The following COL4A2 variants were observed in gnomAD, a reference collection of about 807,000 sequenced individuals.
The protein encoded by COL4A2 is collagen alpha-2(IV) chain.
COL4A2 carries 99 observed loss-of-function variants against 200.2 expected under a neutral mutation model. That is an observed-to-expected ratio of 0.49 (90% CI 0.42 to 0.58). The LOEUF (loss-of-function observed/expected upper bound fraction) is 0.58. Among genes scored for constraint, COL4A2 ranks in the 20% least tolerant of loss-of-function variants. The probability of loss-of-function intolerance (pLI) is 0.00; values close to 1 mark genes in which losing one functional copy is unlikely to be tolerated. For synonymous variants in COL4A2, 897 were observed against 900.6 expected (o/e 1.00, Z 0.07); for missense variants, 1,950 against 2,314.1 (o/e 0.84, Z 3.23).
At position 110,385,148 on chromosome 13, in the gene COL4A2, G is replaced by A. The variant is rs539602216; in HGVS notation, c.180+27596G>A. Among the ~76,000 whole-genome samples the A allele has an allele frequency of 2.0e-5, 3 of 152,086 alleles. No homozygotes were observed. The South Asian group carries it at 6.2e-4, about 32-fold the overall frequency. ...GCAGTGGCGGGTGCCTGTAGTCCCA[G>A]CCACTTGGGAGGCTGAGGCAGAAGA... On this transcript the variant is annotated intron_variant, in intron 4 of 47. Transcript: ENST00000360467.
At chr13:110,504,578 C>T (rs755704246) in intron 45 of COL4A2, among the ~76,000 whole-genome samples, 41 of 152,192 alleles carry the variant, frequency 2.7e-4, no homozygotes, top group East Asian at 1.9e-4. Context: ...TTAAAATGTA[C>T]AAGAGCCGCA....
In COL4A2 at chr13:110,512,447, G is replaced by T; in HGVS notation, c.*256G>T. On this transcript the variant is annotated 3_prime_UTR_variant, in exon 48 of 48. Transcript: ENST00000360467. ...CCCCATCAGCCCTGCTAGACGCACC[G>T]CCTGAAGGCACAGCTAACCACTTCG... 5 of 579,558 alleles carry T rather than the reference G, an allele frequency of 8.6e-6. 1 individual carries two copies. Among genetic ancestry groups the T allele is most frequent in the East Asian group, 6.1e-5 (2 of 32,542 alleles). The allele number at this position is 579,558 out of a possible 1,614,324, so 35.9% of individuals were successfully genotyped here.
intron 3 of COL4A2, among the ~76,000 whole-genome samples, chr13:110,350,864 G>T (rs1056575744): frequency 6.6e-6 from 1 of 152,138 alleles, no homozygotes; most frequent in East Asian, 1.9e-4. Context: ...CTGCCCTTCA[G>T]ACAAGCACTC....
At chr13:110,452,025 C>T (rs1354589250) in intron 20 of COL4A2, among the ~76,000 whole-genome samples, 1 of 152,248 alleles carries the variant, frequency 6.6e-6, no homozygotes, top group Admixed American at 6.5e-5. Flanking sequence ...GACATTGCCC[C>T]TAATAATCTC....
At chr13:110,336,929 C>T (rs943981215) in intron 3 of COL4A2, among the ~76,000 whole-genome samples, 3 of 152,192 alleles carry the variant, frequency 2.0e-5, no homozygotes, top group African/African-American at 7.2e-5. Context: ...GCCTGGGTTG[C>T]CTCTGTGCTC....
intron 29 of COL4A2, chr13:110,473,398 A>G (rs1162054975): frequency 2.1e-6 from 1 of 470,294 alleles, no homozygotes; most frequent in Non-Finnish European, 3.7e-6. Context: ...CACTGATGTA[A>G]TCTGTTGTCA....
At chr13:110,414,836 A>G (rs547262897) in intron 4 of COL4A2, among the ~76,000 whole-genome samples, 1 of 152,372 alleles carries the variant, frequency 6.6e-6, no homozygotes, top group Admixed American at 6.5e-5. Context: ...AATGTATGAG[A>G]AGGAAATATT....
chr13:110,491,276 C>T lies in COL4A2; in HGVS notation c.3390C>T (p.Ile1130=), dbSNP rs750808602. The part of the protein sequence containing the change: ...FFGEKGTEGD[I]GFPGITGVTG... ...GAGAGAAGGGAACAGAAGGTGACAT[C>T]GGCTTCCCTGGGATAACAGGCGTGA... is the stretch of plus-strand genomic sequence containing the variant. Residue 1130 remains isoleucine (I), a synonymous_variant, in exon 37 of 48, where the codon ATC becomes ATT. Transcript: ENST00000360467. 2 of 1,601,158 alleles carry T rather than the reference C, an allele frequency of 1.2e-6. No individual in the cohort carries two copies. Among genetic ancestry groups the T allele is most frequent in the Non-Finnish European group, 8.5e-7 (1 of 1,173,184 alleles).
At chr13:110,428,261 C>T (rs915910117) in intron 6 of COL4A2, among the ~76,000 whole-genome samples, 5 of 152,236 alleles carry the variant, frequency 3.3e-5, no homozygotes, top group Non-Finnish European at 7.3e-5. Context: ...AACTTTGCTT[C>T]GAAATCTTTT....
intron 4 of COL4A2, among the ~76,000 whole-genome samples, chr13:110,399,094 A>C (rs1251015909): frequency 6.6e-6 from 1 of 152,182 alleles, no homozygotes; most frequent in Non-Finnish European, 1.5e-5. Context: ...ATTGTGAAGG[A>C]TGTTTAAGAA....
intron 4 of COL4A2, among the ~76,000 whole-genome samples, chr13:110,424,132 C>T (rs1442072100): frequency 6.6e-6 from 1 of 152,102 alleles, no homozygotes; most frequent in Admixed American, 6.6e-5. Flanking sequence ...GCACCTGCAC[C>T]ATTTCACATG....
At chr13:110,488,835 G>A (rs557676357) in intron 34 of COL4A2, among the ~76,000 whole-genome samples, 8 of 152,316 alleles carry the variant, frequency 5.3e-5, no homozygotes, top group East Asian at 1.9e-4. Context: ...CACCGCCGCC[G>A]CTGACATCAC....
chr13:110,341,758 T>C (rs1255484323), intron 3 of COL4A2, among the ~76,000 whole-genome samples: 1 of 152,230 alleles, frequency 6.6e-6, no homozygotes, highest in African/African-American at 2.4e-5. Context: ...TTTCCAGCTC[T>C]GTCTCGCTGC....
intron 3 of COL4A2, among the ~76,000 whole-genome samples, chr13:110,353,691 G>A (rs1295716504): frequency 6.6e-6 from 1 of 152,210 alleles, no homozygotes; most frequent in Admixed American, 6.5e-5. Context: ...ACATTCCAAA[G>A]TGTGGTACTT....
intron 4 of COL4A2, among the ~76,000 whole-genome samples, chr13:110,361,905 G>A (rs754741109): frequency 2.6e-5 from 4 of 152,216 alleles, no homozygotes; most frequent in Admixed American, 6.5e-5. Flanking sequence ...TGTAGTTCAC[G>A]TACGAGCACA....
intron 3 of COL4A2, among the ~76,000 whole-genome samples, chr13:110,308,672 C>G (rs753808265): frequency 6.6e-6 from 1 of 152,170 alleles, no homozygotes; most frequent in African/African-American, 2.4e-5. Context: ...CTCCCAAGTC[C>G]TGTTCCGGCC....
Position 110,424,824 on chromosome 13 carries a change from G to C in COL4A2, c.271G>C (p.Gly91Arg). 1 of 1,614,142 alleles carries C rather than the reference G, an allele frequency of 6.2e-7. No individual in the cohort carries two copies. Among genetic ancestry groups the C allele is most frequent in the Non-Finnish European group, 8.5e-7 (1 of 1,179,980 alleles). The part of the protein sequence containing the change: ...PGLQGRKGDK[G>R]ERGAPGVTGP... ...ACTGCAGGGACGTAAAGGAGACAAG[G>C]GTGAAAGGGGAGCCCCCGGAGTAAC... The change falls in exon 5 of 48, where the codon GGT becomes CGT. Residue 91 changes from glycine to arginine, a missense_variant. Transcript: ENST00000360467.
intron 4 of COL4A2, among the ~76,000 whole-genome samples, chr13:110,402,370 G>C (rs1879401764): frequency 6.6e-6 from 1 of 152,220 alleles, no homozygotes; most frequent in African/African-American, 2.4e-5. Flanking sequence ...AGTGATGCCA[G>C]GTGAGTCCAA....
At chr13:110,308,195 G>A in intron 3 of COL4A2, 72 bp downstream of exon 3, 11 of 1,561,684 alleles carry the variant, frequency 7.0e-6, no homozygotes, top group Non-Finnish European at 9.7e-6. Flanking sequence ...CCTTGGAGAA[G>A]GCAGCTCGTC....
Sources: gnomAD v4.1 joint callset for allele counts (sites outside exome capture counted in the v4.1 genomes callset) on GRCh38, gnomAD v4.1.1 for gene constraint, MANE v1.5 for transcripts, NCBI Gene and HGNC (gene_info 2026-07-23, HGNC 2026-07-21) for gene names.